The following MX2 variants were observed in gnomAD, a reference collection of about 807,000 sequenced individuals.
MX2 encodes interferon-induced GTP-binding protein Mx2.
A neutral mutation model predicts 74.0 loss-of-function variants in MX2; 51 were observed. That is an observed-to-expected ratio of 0.69 (90% CI 0.55 to 0.87). MX2 has a LOEUF of 0.87. Among genes scored for constraint, MX2 ranks in the 40% least tolerant of loss-of-function variants. MX2 has a pLI of 0.00. For missense variants in MX2, 832 were observed against 908.7 expected (o/e 0.92, Z 1.09); for synonymous variants, 369 against 339.3 (o/e 1.09, Z -0.96).
intron 3 of MX2, 31 bp downstream of exon 3, chr21:41,378,012 G>C (rs1208023425): frequency 6.3e-7 from 1 of 1,597,824 alleles, no homozygotes; most frequent in African/African-American, 1.3e-5. Flanking sequence ...TCCCTCCGCA[G>C]CAAGCAGCGC....
intron 4 of MX2, among the ~76,000 whole-genome samples, chr21:41,381,016 C>T (rs1454347220): frequency 1.3e-5 from 2 of 152,212 alleles, no homozygotes; most frequent in South Asian, 2.1e-4. Flanking sequence ...AGTGTCTGAG[C>T]GGGGGCCCTT....
At chr21:41,384,463 G>T (rs73228017) in intron 5 of MX2, among the ~76,000 whole-genome samples, 1,981 of 152,312 alleles carry the variant, frequency 0.013, 21 homozygotes, top group Middle Eastern at 0.041. Flanking sequence ...GGAAATAAGT[G>T]TGCGGTCTCT....
intron 7 of MX2, 79 bp downstream of exon 7, chr21:41,395,864 C>T: frequency 7.1e-7 from 1 of 1,398,804 alleles, no homozygotes; most frequent in Non-Finnish European, 1.0e-6. Context: ...AGATCATGAC[C>T]AAAGTGTATG....
At chr21:41,406,706 A>G in intron 12 of MX2, 38 bp from the exon 13 acceptor site, 1 of 1,586,174 alleles carries the variant, frequency 6.3e-7, no homozygotes, top group Non-Finnish European at 8.6e-7. Flanking sequence ...AGGAAAGAAG[A>G]AAAAGAAGTA....
intron 1 of MX2, among the ~76,000 whole-genome samples, chr21:41,371,065 G>T (rs765431273): frequency 6.6e-6 from 1 of 152,232 alleles, no homozygotes; most frequent in Non-Finnish European, 1.5e-5. Flanking sequence ...ATTAGAAAAC[G>T]TGGTTGCAGG....
At chr21:41,404,389 T>C (rs1462110079) in intron 12 of MX2, 1 of 152,252 alleles carries the variant, frequency 6.6e-6, no homozygotes, top group Non-Finnish European at 1.5e-5. Flanking sequence ...GAGGGTCTAC[T>C]GTCCTTTGTT....
At chr21:41,405,429 T>G (rs1343087863) in intron 12 of MX2, among the ~76,000 whole-genome samples, 3 of 152,220 alleles carry the variant, frequency 2.0e-5, no homozygotes, top group Admixed American at 2.0e-4. Flanking sequence ...CATGGTCAGG[T>G]GGCAGTGAGG....
At position 41,402,068 on chromosome 21, in the gene MX2, G is replaced by C; in HGVS notation, c.1513G>C (p.Val505Leu). 1 of 1,614,114 alleles carries C rather than the reference G, an allele frequency of 6.2e-7. No homozygotes were observed. Among genetic ancestry groups the C allele is most frequent in the Middle Eastern group, 1.6e-4 (1 of 6,062 alleles). The stretch of plus-strand genomic sequence containing the variant: ...CAACTACAAGACATTTGAGATCATC[G>C]TGCATCAGTACATCCAGCAGCTGGT... ...FVNYKTFEII[V>L]HQYIQQLVEP... The change falls in exon 11 of 14, where the codon GTG becomes CTG. Residue 505 changes from valine to leucine, a missense_variant. Coordinates refer to ENST00000330714, the MANE Select transcript of MX2 (RefSeq NM_002463.2). The surrounding 1 kb of genome is among the most constrained non-coding windows in gnomAD (Gnocchi z 4.5).
chr21:41,385,445 T>C (rs1275669355), intron 5 of MX2, among the ~76,000 whole-genome samples: 2 of 152,188 alleles, frequency 1.3e-5, no homozygotes, highest in Admixed American at 6.5e-5. Flanking sequence ...TGAGATCTAA[T>C]GGTTTTATGA....
intron 8 of MX2, 51 bp from the exon 9 acceptor site, chr21:41,398,846 T>A (rs1253890084): frequency 1.3e-6 from 2 of 1,588,770 alleles, no homozygotes; most frequent in Non-Finnish European, 1.7e-6. Context: ...AAGAAATCAG[T>A]TGGCCAATCT....
At chr21:41,365,439 G>A (rs2089257431) in intron 1 of MX2, 2 of 152,070 alleles carry the variant, frequency 1.3e-5, no homozygotes, top group Admixed American at 1.3e-4. Context: ...GGCCATGTGT[G>A]TTTAATGTTT....
rs2089893815 is a variant in MX2 at position 41,406,900 on chromosome 21, C to G, written c.1807C>G (p.Pro603Ala). ...AGAGATTTTTAACCCTCTGGGGACG[C>G]CTTCACAGAATATGAAGTTGAACTC... ...REEIFNPLGT[P>A]SQNMKLNSHF... The change falls in exon 13 of 14, where the codon CCT becomes GCT. Residue 603 changes from proline (P) to alanine (A), a missense_variant. Transcript: ENST00000330714. 1.2e-6 allele frequency: 2 copies of G among 1,614,028 alleles called. No homozygotes were observed. Among genetic ancestry groups the G allele is most frequent in the Admixed American group, 1.7e-5 (1 of 60,004 alleles).
Position 41,406,871 on chromosome 21 carries a change from G to A in MX2, c.1778G>A (p.Arg593Gln), listed in dbSNP as rs747459235. The change falls in exon 13 of 14, where the codon CGA (arginine) becomes CAA (glutamine). Residue 593 changes from arginine (R) to glutamine (Q), a missense_variant. Transcript: ENST00000330714. ...TACAGTGTTGTTCTGAAGAAAGTCC[G>A]AGAAGAGATTTTTAACCCTCTGGGG... Reference protein sequence around the residue: ...QIYSVVLKKVREEIFNPLGTP... With the variant: ...QIYSVVLKKVQEEIFNPLGTP... The A allele has an allele frequency of 5.0e-6, 8 of 1,614,212 alleles. No individual in the cohort carries two copies. The highest frequency in any genetic ancestry group is 5.9e-6 in the Non-Finnish European group (7 of 1,180,038).
intron 1 of MX2, among the ~76,000 whole-genome samples, chr21:41,374,441 G>A (rs1252676090): frequency 2.6e-5 from 4 of 152,370 alleles, no homozygotes; most frequent in East Asian, 3.9e-4. Context: ...GATCCCGGGC[G>A]GCAGGAGTAG....
In MX2 at chr21:41,406,758, C is replaced by T. The variant is rs766413868; in HGVS notation, c.1665C>T (p.Asp555=). The stretch of plus-strand genomic sequence containing the variant: ...TATCTAACCAGAGCACGATTGAAGA[C>T]ATAAAAGTGAAACACACAGCAAAGG... The part of the protein sequence containing the change: ...LNQTVQSTIE[D]IKVKHTAKAE... The change falls in exon 13 of 14, where the codon GAC becomes GAT. Residue 555 remains aspartate (D), a synonymous_variant. Coordinates refer to ENST00000330714, the MANE Select transcript of MX2 (RefSeq NM_002463.2). The T allele has an allele frequency of 1.2e-6, 2 of 1,614,060 alleles. No individual in the cohort carries two copies. Among genetic ancestry groups the T allele is most frequent in the Non-Finnish European group, 1.7e-6 (2 of 1,179,992 alleles).
chr21:41,390,294 G>C, intron 5 of MX2: 1 of 426,098 alleles, frequency 2.3e-6, no homozygotes, highest in Non-Finnish European at 4.4e-6. Context: ...AGAGGGGAGG[G>C]AGGGGTTGTA....
intron 1 of MX2, among the ~76,000 whole-genome samples, chr21:41,372,537 T>C (rs571242578): frequency 2.6e-5 from 4 of 152,356 alleles, no homozygotes; most frequent in Non-Finnish European, 5.9e-5. Context: ...TATTTTTTTT[T>C]AACATGAAGT....
rs781084333 is a variant in MX2 at position 41,406,794 on chromosome 21, G to T, written c.1701G>T (p.Met567Ile). Residue 567 changes from methionine to isoleucine, a missense_variant, in exon 13 of 14, where the codon ATG becomes ATT. Coordinates refer to ENST00000330714, the MANE Select transcript of MX2 (RefSeq NM_002463.2). ...KVKHTAKAEN[M>I]IQLQFRMEQM... ...AACACACAGCAAAGGCAGAAAACAT[G>T]ATCCAACTTCAGTTCAGAATGGAGC... 3.7e-6 allele frequency: 6 copies of T among 1,614,120 alleles called. No homozygotes were observed.
At chr21:41,394,691 C>G (rs1438785017) in intron 6 of MX2, among the ~76,000 whole-genome samples, 1 of 152,018 alleles carries the variant, frequency 6.6e-6, no homozygotes, top group Non-Finnish European at 1.5e-5. Context: ...GCCTGTAATC[C>G]CAACACTTTG....
Sources: allele counts gnomAD v4.1 joint callset (sites outside exome capture counted in the v4.1 genomes callset), GRCh38; gene constraint gnomAD v4.1.1; non-coding constraint Gnocchi (gnomAD v3.1); transcripts MANE v1.5; gene names NCBI Gene and HGNC (gene_info 2026-07-23, HGNC 2026-07-21).